LSAMP: variants seen among roughly 807,000 people sequenced by gnomAD.
LSAMP encodes limbic system associated membrane protein.
A neutral mutation model predicts 38.6 loss-of-function variants in LSAMP; 7 were observed. The observed-to-expected ratio is 0.18, with a 90% confidence interval of 0.10 to 0.34. The LOEUF (loss-of-function observed/expected upper bound fraction) is 0.34. Among genes scored for constraint, LSAMP ranks in the 10% least tolerant of loss-of-function variants. The probability of loss-of-function intolerance (pLI) is 1.00; values close to 1 mark genes in which losing one functional copy is unlikely to be tolerated. For synonymous variants in LSAMP, 154 were observed against 166.8 expected, an observed-to-expected ratio of 0.92 and a Z score of 0.59; for missense variants, 313 against 420.0, an observed-to-expected ratio of 0.75 and a Z score of 2.23.
chr3:115,872,546 C>T (rs993778721), intron 3 of LSAMP, among the ~76,000 whole-genome samples: 2 of 150,340 alleles, frequency 1.3e-5, no homozygotes, highest in African/African-American at 2.5e-5. Context: ...AGCAGGAGGC[C>T]GATAGGAGAT....
intron 1 of LSAMP, among the ~76,000 whole-genome samples, chr3:116,135,979 G>A (rs1358566739): frequency 6.6e-6 from 1 of 152,024 alleles, no homozygotes; most frequent in African/African-American, 2.4e-5. Context: ...ATGTTTGATG[G>A]CCTCACACAA....
chr3:116,132,501 G>T (rs1195263986), intron 1 of LSAMP, among the ~76,000 whole-genome samples: 1 of 152,182 alleles, frequency 6.6e-6, no homozygotes, highest in African/African-American at 2.4e-5. Context: ...AACAGGTACT[G>T]TAAGGACTTG....
chr3:116,291,092 CAT>C lies in LSAMP; in HGVS notation c.155+153783_155+153784del, dbSNP rs2047261476. Among the ~76,000 whole-genome samples, 17 of 152,308 alleles carry C rather than the reference CAT, an allele frequency of 1.1e-4. No individual in the cohort carries two copies. The South Asian group carries it at 3.5e-3, about 32-fold the overall frequency. On this transcript the variant is annotated intron_variant, in intron 1 of 6. Coordinates refer to ENST00000490035, the MANE Select transcript of LSAMP (RefSeq NM_002338.5). ...ATCATGTTTATGTCTTTTCTCAAGT[CAT>C]TATCTGTACTGGGCTTGTTCCTCTT...
chr3:115,824,110 T>C (rs1934333430), intron 6 of LSAMP, among the ~76,000 whole-genome samples: 1 of 152,216 alleles, frequency 6.6e-6, no homozygotes, highest in South Asian at 2.1e-4. Context: ...TTTTTAATAA[T>C]CAATGAATTG....
At chr3:116,120,701 T>A (rs1708854860) in intron 1 of LSAMP, among the ~76,000 whole-genome samples, 1 of 152,134 alleles carries the variant, frequency 6.6e-6, no homozygotes, top group African/African-American at 2.4e-5. Flanking sequence ...TTTCCAGGTA[T>A]CTTTGAAAAC....
chr3:116,329,347 A>T (rs2047818633), intron 1 of LSAMP, among the ~76,000 whole-genome samples: 1 of 152,246 alleles, frequency 6.6e-6, no homozygotes, highest in Non-Finnish European at 1.5e-5. Context: ...TTCAAGTATA[A>T]TTTTTTTCTG....
intron 1 of LSAMP, among the ~76,000 whole-genome samples, chr3:116,207,898 G>C (rs1331497382): frequency 6.6e-6 from 1 of 151,058 alleles, no homozygotes; most frequent in African/African-American, 2.4e-5. Flanking sequence ...CTCTTCTCGA[G>C]GAGTATCTTT....
chr3:116,190,839 C>G (rs1279230695), intron 1 of LSAMP, among the ~76,000 whole-genome samples: 1 of 152,104 alleles, frequency 6.6e-6, no homozygotes, highest in African/African-American at 2.4e-5. Context: ...GAGAAAAACA[C>G]AAGAACAAAG....
At chr3:115,925,707 T>C (rs1401100173) in intron 3 of LSAMP, among the ~76,000 whole-genome samples, 1 of 152,204 alleles carries the variant, frequency 6.6e-6, no homozygotes, top group Non-Finnish European at 1.5e-5. Context: ...GGCTTATTTA[T>C]TAAAATTTCA....
At chr3:116,184,342 A>G (rs1710560571) in intron 1 of LSAMP, among the ~76,000 whole-genome samples, 1 of 151,930 alleles carries the variant, frequency 6.6e-6, no homozygotes, top group Admixed American at 6.6e-5. Flanking sequence ...CTAAGTGGAA[A>G]GACAAGGGTA....
chr3:115,956,714 A>G (rs1281936903), intron 3 of LSAMP, among the ~76,000 whole-genome samples: 1 of 152,242 alleles, frequency 6.6e-6, no homozygotes, highest in Non-Finnish European at 1.5e-5. Flanking sequence ...GGAAGCTTAT[A>G]TAGTTAAAAT....
chr3:115,835,522 A>G (rs1934753451), intron 6 of LSAMP, among the ~76,000 whole-genome samples: 1 of 152,230 alleles, frequency 6.6e-6, no homozygotes, highest in Admixed American at 6.5e-5. Flanking sequence ...ATTATATGAT[A>G]GTGTAACATA....
At chr3:115,939,199 G>A (rs1284407927) in intron 3 of LSAMP, among the ~76,000 whole-genome samples, 3 of 151,980 alleles carry the variant, frequency 2.0e-5, no homozygotes, top group Admixed American at 6.6e-5. Flanking sequence ...ATTTACCATC[G>A]AGATGTAATT....
intron 1 of LSAMP, among the ~76,000 whole-genome samples, chr3:116,431,644 C>T (rs953394455): frequency 6.6e-6 from 1 of 152,002 alleles, no homozygotes; most frequent in Non-Finnish European, 1.5e-5. Context: ...TACAGCTGAA[C>T]TTGTTTATAT....
At chr3:116,425,213 A>G (rs1189299451) in intron 1 of LSAMP, among the ~76,000 whole-genome samples, 1 of 152,154 alleles carries the variant, frequency 6.6e-6, no homozygotes, top group Non-Finnish European at 1.5e-5. Flanking sequence ...TTATATGCTC[A>G]CCTTTGATAT....
chr3:115,842,379 C>A, intron 5 of LSAMP, 79 bp downstream of exon 5: 2 of 1,534,050 alleles, frequency 1.3e-6, no homozygotes, highest in Non-Finnish European at 1.8e-6. Context: ...ACTGGCTTGG[C>A]TTTGGCTTTG....
intron 3 of LSAMP, among the ~76,000 whole-genome samples, chr3:115,962,631 A>G (rs946993827): frequency 6.6e-6 from 1 of 152,220 alleles, no homozygotes; most frequent in Non-Finnish European, 1.5e-5. Context: ...TAAGTGGTAA[A>G]TTGCTACATA....
rs1032627762 is a variant in LSAMP at position 116,432,685 on chromosome 3, C to T, written c.155+12192G>A. Reference sequence around the variant, plus strand: ...CCACTTCACCAGACCAACATCTTTGCTTATAAGACAAGTAGGAGTTGGAAC... The same window carrying T: ...CCACTTCACCAGACCAACATCTTTGTTTATAAGACAAGTAGGAGTTGGAAC... On this transcript the variant is annotated intron_variant, in intron 1 of 6. Transcript: ENST00000490035. Among the ~76,000 whole-genome samples, 4 of 152,158 alleles carry T rather than the reference C, an allele frequency of 2.6e-5. No individual in the cohort carries two copies. In the East Asian group the frequency reaches 5.8e-4, roughly 22 times the overall value.
At chr3:115,816,732 C>T in intron 6 of LSAMP, 3 of 685,480 alleles carry the variant, frequency 4.4e-6, no homozygotes, top group African/African-American at 1.9e-5. Flanking sequence ...CTGATATTCT[C>T]CACTGAAAGG....
Sources: allele counts gnomAD v4.1 joint callset (sites outside exome capture counted in the v4.1 genomes callset), GRCh38; gene constraint gnomAD v4.1.1; transcripts MANE v1.5; gene names NCBI Gene and HGNC (gene_info 2026-07-23, HGNC 2026-07-21).